TRIO: variants seen among roughly 807,000 people sequenced by gnomAD.
TRIO encodes triple functional domain protein.
Under a neutral mutation model 351.9 loss-of-function variants are expected in TRIO, and 58 were observed. The ratio of observed to expected loss-of-function variants is 0.16; its 90% CI spans 0.13 to 0.21. The LOEUF is 0.21. TRIO is among the 10% of genes least tolerant of loss of function. The pLI, the probability that TRIO is intolerant of heterozygous loss-of-function variation, is 1.00. For synonymous variants in TRIO, 1,758 were observed against 1,595.7 expected (o/e 1.10, Z -2.42); for missense variants, 3,201 against 4,027.8 (o/e 0.79, Z 5.56).
In TRIO at chr5:14,249,832, G is replaced by C. The variant is rs78762011; in HGVS notation, c.158-20993G>C. Among the ~76,000 whole-genome samples, 70 of 152,276 alleles carry C rather than the reference G, an allele frequency of 4.6e-4. 3 individuals carry two copies. The East Asian group carries it at 0.013, about 29-fold the overall frequency. ...AGCAGCTTCATTTGATGGTGGGAGA[G>C]AACATGGAGACAAAGTATAAATCAC... On this transcript the variant is annotated intron_variant, in intron 1 of 56. Transcript: ENST00000344204.
chr5:14,369,289 A>C (rs560030664), intron 17 of TRIO, 85 bp from the exon 18 acceptor site: 2 of 1,502,256 alleles, frequency 1.3e-6, no homozygotes, highest in South Asian at 2.7e-5. Context: ...CTTCATCCCC[A>C]GAGCCCGACT....
intron 1 of TRIO, among the ~76,000 whole-genome samples, chr5:14,156,037 A>G (rs552959629): frequency 6.6e-6 from 1 of 152,238 alleles, no homozygotes; most frequent in East Asian, 1.9e-4. Context: ...ATTTATTTAT[A>G]TAAGTATGGC....
chr5:14,299,169 A>T (rs1466113632), intron 7 of TRIO, among the ~76,000 whole-genome samples: 2 of 152,214 alleles, frequency 1.3e-5, no homozygotes, highest in Non-Finnish European at 1.5e-5. Context: ...GTTTTATTAT[A>T]AAAAATTTTA....
intron 1 of TRIO, among the ~76,000 whole-genome samples, chr5:14,178,850 T>C (rs1789570857): frequency 6.6e-6 from 1 of 152,132 alleles, no homozygotes; most frequent in Non-Finnish European, 1.5e-5. Context: ...TGGTGGTCTG[T>C]TTGAAAACAG....
intron 12 of TRIO, among the ~76,000 whole-genome samples, chr5:14,358,908 G>T (rs147501942): frequency 6.6e-6 from 1 of 152,198 alleles, no homozygotes; most frequent in African/African-American, 2.4e-5. Context: ...TCAAATCGTT[G>T]ACTGATAACT....
At chr5:14,407,833 G>T (rs1319853929) in intron 33 of TRIO, among the ~76,000 whole-genome samples, 1 of 152,238 alleles carries the variant, frequency 6.6e-6, no homozygotes, top group African/African-American at 2.4e-5. Context: ...CTGTCAGCCA[G>T]TGGGGAACAT....
intron 1 of TRIO, among the ~76,000 whole-genome samples, chr5:14,215,831 AT>A (rs1346901773): frequency 6.6e-6 from 1 of 152,196 alleles, no homozygotes; most frequent in East Asian, 1.9e-4. Flanking sequence ...AGACAACTGA[AT>A]TTTGACAATA....
chr5:14,494,915 A>G (rs1317757785), intron 49 of TRIO, among the ~76,000 whole-genome samples: 1 of 152,218 alleles, frequency 6.6e-6, no homozygotes, highest in Non-Finnish European at 1.5e-5. Flanking sequence ...AGGAAAAGAA[A>G]TACATAAATA....
chr5:14,386,274 G>T (rs1040540262), intron 21 of TRIO, among the ~76,000 whole-genome samples: 24 of 152,270 alleles, frequency 1.6e-4, no homozygotes, highest in African/African-American at 5.5e-4. Context: ...GAGGGTGCTG[G>T]CCTGGAGGGG....
At chr5:14,495,547 C>T (rs1207303579) in intron 49 of TRIO, among the ~76,000 whole-genome samples, 1 of 147,732 alleles carries the variant, frequency 6.8e-6, no homozygotes, top group Non-Finnish European at 1.5e-5. Flanking sequence ...CCAGGCCAGG[C>T]GTAGTGGCTC....
intron 13 of TRIO, among the ~76,000 whole-genome samples, chr5:14,361,047 A>C (rs1744108626): frequency 6.6e-6 from 1 of 152,210 alleles, no homozygotes; most frequent in South Asian, 2.1e-4. Flanking sequence ...AGCCACGCCT[A>C]CTTTCCTCTC....
At chr5:14,258,788 C>T (rs1227830089) in intron 1 of TRIO, among the ~76,000 whole-genome samples, 4 of 152,184 alleles carry the variant, frequency 2.6e-5, no homozygotes, top group African/African-American at 9.7e-5. Flanking sequence ...AGCAGTGGCC[C>T]AGGGGGATAA....
At position 14,143,770 on chromosome 5, in the gene TRIO, C is replaced by T. The variant is rs1338134554; in HGVS notation, c.45C>T (p.Ser15=). 9 of 1,006,224 alleles carry T rather than the reference C, an allele frequency of 8.9e-6. No homozygotes were observed. Among genetic ancestry groups the T allele is most frequent in the Non-Finnish European group, 1.1e-5 (9 of 845,454 alleles). 62.3% of individuals were successfully genotyped at this position (1,006,224 alleles called of 1,614,324 possible). ...SGGAAAPAAS[S]GPAAAASAAG... is the part of the protein sequence containing the mutation. ...GAGCCGCCGCCCCCGCCGCGTCCTCCGGCCCCGCCGCGGCGGCCAGCGCGG... is the reference window on the plus strand; with the variant it reads ...GAGCCGCCGCCCCCGCCGCGTCCTCTGGCCCCGCCGCGGCGGCCAGCGCGG... The change falls in exon 1 of 57, where the codon TCC becomes TCT. Residue 15 remains serine (S), a synonymous_variant. Coordinates refer to ENST00000344204, the MANE Select transcript of TRIO (RefSeq NM_007118.4).
In TRIO at chr5:14,498,062, GCCTTTACCGACT is replaced by G; in HGVS notation, c.8048-21_8048-10del. On this transcript the variant is annotated splice_polypyrimidine_tract_variant and intron_variant, in intron 51 of 56. Transcript: ENST00000344204. Reference sequence around the variant, plus strand: ...GTGGAGGAGGAGCCAGGGCTGATGGGCCTTTACCGACTCCTTTCCCATGCAGTTCCCCCAGAA... The same window carrying G: ...GTGGAGGAGGAGCCAGGGCTGATGGGCCTTTCCCATGCAGTTCCCCCAGAA... 1 of 1,613,984 alleles carries G rather than the reference GCCTTTACCGACT, an allele frequency of 6.2e-7. No homozygotes were observed.
In TRIO at chr5:14,374,310, A is replaced by T; in HGVS notation, c.3298A>T (p.Thr1100Ser). The T allele has an allele frequency of 6.2e-7, 1 of 1,613,512 alleles. No homozygotes were observed. Among genetic ancestry groups the T allele is most frequent in the East Asian group, 2.2e-5 (1 of 44,844 alleles). The change falls in exon 19 of 57, where the codon ACG becomes TCG. Residue 1100 changes from threonine (T) to serine (S), a missense_variant. Thr to Ser is a moderately conservative substitution (Grantham distance 58). Coordinates refer to ENST00000344204, the MANE Select transcript of TRIO (RefSeq NM_007118.4). Reference sequence around the variant, plus strand: ...CAGCGTGAACATGCCAGGAATGGTGACGCACATCAAAGCTCCTGAACAGCA... The same window carrying T: ...CAGCGTGAACATGCCAGGAATGGTGTCGCACATCAAAGCTCCTGAACAGCA... ...RNSVNMPGMV[T>S]HIKAPEQQVK...
At position 14,508,412 on chromosome 5, in the gene TRIO, C is replaced by T. The variant is rs746938246; in HGVS notation, c.9284C>T (p.Pro3095Leu). 3 of 1,607,308 alleles carry T rather than the reference C, an allele frequency of 1.9e-6. No individual in the cohort carries two copies. The highest frequency in any genetic ancestry group is 1.7e-6 in the Non-Finnish European group (2 of 1,175,544). ...IKNFLQSRLL[P>L]RV Reference sequence around the variant, plus strand: ...AACTTTCTGCAGAGCAGGCTTCTGCCTAGAGTTTGACCTATCCAGAAGTTC... The same window carrying T: ...AACTTTCTGCAGAGCAGGCTTCTGCTTAGAGTTTGACCTATCCAGAAGTTC... Residue 3095 changes from proline to leucine, a missense_variant, in exon 57 of 57, where the codon CCT becomes CTT. This residue lies in a region of TRIO where 233 missense variants were observed against 292.6 expected (regional missense o/e 0.80). Coordinates refer to ENST00000344204, the MANE Select transcript of TRIO (RefSeq NM_007118.4).
intron 8 of TRIO, among the ~76,000 whole-genome samples, chr5:14,308,872 C>G (rs995733969): frequency 6.6e-6 from 1 of 151,862 alleles, no homozygotes; most frequent in African/African-American, 2.4e-5. Context: ...ACTAAATTGC[C>G]CATCCATTGA....
chr5:14,216,353 C>CAA (rs1255432825), intron 1 of TRIO, among the ~76,000 whole-genome samples: 1 of 152,182 alleles, frequency 6.6e-6, no homozygotes, highest in Non-Finnish European at 1.5e-5. Context: ...ACTTGTCCAA[C>CAA]AATTGTTGTT....
In TRIO at chr5:14,492,641, G is replaced by C. The variant is rs762518084; in HGVS notation, c.7707G>C (p.Glu2569Asp). The change falls in exon 49 of 57, where the codon GAG becomes GAC. Residue 2569 changes from glutamate (E) to aspartate (D), a missense_variant. Around this residue, in one of 19 missense-constraint regions of TRIO, gnomAD observed 1,089 missense variants for 954.9 expected, o/e 1.14. Transcript: ENST00000344204. ...ATTACACGGCAGTGAAGGAGGATGAGATCAACGTCTACCAAGGAGAGGTCG... is the reference window on the plus strand; with the variant it reads ...ATTACACGGCAGTGAAGGAGGATGACATCAACGTCTACCAAGGAGAGGTCG... ...THDYTAVKED[E>D]INVYQGEVVQ... 1 of 1,614,202 alleles carries C rather than the reference G, an allele frequency of 6.2e-7. No homozygotes were observed. Among genetic ancestry groups the C allele is most frequent in the South Asian group, 1.1e-5 (1 of 91,080 alleles).
Sources: allele counts gnomAD v4.1 joint callset (sites outside exome capture counted in the v4.1 genomes callset), GRCh38; gene constraint gnomAD v4.1.1; regional missense constraint gnomAD v4.1.1; transcripts MANE v1.5; gene names NCBI Gene and HGNC (gene_info 2026-07-23, HGNC 2026-07-21).